EMILIN2: variants seen among roughly 807,000 people sequenced by gnomAD.
The protein encoded by EMILIN2 is EMILIN-2.
EMILIN2 carries 71 observed loss-of-function variants against 87.1 expected under a neutral mutation model. That is an observed-to-expected ratio of 0.82 (90% CI 0.67 to 0.99). EMILIN2 has a LOEUF of 0.99. Ranked by LOEUF, EMILIN2 falls within the 50% of genes least tolerant of loss-of-function variation. The probability of loss-of-function intolerance (pLI) is 0.00; values close to 1 mark genes in which losing one functional copy is unlikely to be tolerated. For missense variants in EMILIN2, 1,407 were observed against 1,371.8 expected, an observed-to-expected ratio of 1.03 and a Z score of -0.40; for synonymous variants, 581 against 563.4, an observed-to-expected ratio of 1.03 and a Z score of -0.44.
intron 2 of EMILIN2, among the ~76,000 whole-genome samples, chr18:2,878,607 C>T (rs931803625): frequency 2.0e-5 from 3 of 152,118 alleles, no homozygotes; most frequent in Admixed American, 1.3e-4. Context: ...AGTGCAGTAG[C>T]GGATTCCGGG....
At chr18:2,871,142 AC>A (rs1471345596) in intron 2 of EMILIN2, among the ~76,000 whole-genome samples, 2 of 152,204 alleles carry the variant, frequency 1.3e-5, no homozygotes, top group Admixed American at 6.5e-5. Flanking sequence ...TGGGGGGCAC[AC>A]AATTCAGTCC....
At chr18:2,852,233 A>C (rs973885315) in intron 2 of EMILIN2, among the ~76,000 whole-genome samples, 6 of 152,174 alleles carry the variant, frequency 3.9e-5, no homozygotes, top group African/African-American at 1.2e-4. Flanking sequence ...TGACGCATGA[A>C]CTATGTCATT....
rs2076945111 is a variant in EMILIN2, at chr18:2,912,311, G to A, written c.2825-756G>A. Among the ~76,000 whole-genome samples the A allele has an allele frequency of 3.3e-5, 5 of 152,204 alleles. No individual in the cohort carries two copies. In the South Asian group the frequency reaches 1.0e-3, roughly 32 times the overall value. The stretch of plus-strand genomic sequence containing the variant: ...CCACCTTGGCCTCCCAAAGTGCTGG[G>A]ATTACAGGCGTGAGCCACCACGCAT... On this transcript the variant is annotated intron_variant, in intron 7 of 7. Transcript: ENST00000254528.
At chr18:2,852,949 G>C (rs778362028) in intron 2 of EMILIN2, among the ~76,000 whole-genome samples, 1 of 152,174 alleles carries the variant, frequency 6.6e-6, no homozygotes, top group Admixed American at 6.5e-5. Flanking sequence ...GATCCTCCGG[G>C]CACAGGATTG....
chr18:2,883,944 G>C (rs1281826292), intron 2 of EMILIN2, among the ~76,000 whole-genome samples: 2 of 152,040 alleles, frequency 1.3e-5, no homozygotes, highest in East Asian at 3.9e-4. Context: ...GGGTGCCAGG[G>C]ATGTTTCTTT....
At chr18:2,901,082 A>T (rs73936852) in intron 4 of EMILIN2, among the ~76,000 whole-genome samples, 1 of 152,134 alleles carries the variant, frequency 6.6e-6, no homozygotes, top group African/African-American at 2.4e-5. Context: ...ATTGGCATCA[A>T]TTTCTGCCTG....
intron 2 of EMILIN2, among the ~76,000 whole-genome samples, chr18:2,881,459 A>T (rs2076776376): frequency 6.6e-6 from 1 of 152,208 alleles, no homozygotes; most frequent in African/African-American, 2.4e-5. Context: ...CTACATTAGG[A>T]GCTGGGGAGC....
In EMILIN2 at chr18:2,847,097, G is replaced by A; in HGVS notation, c.-92G>A. On this transcript the variant is annotated 5_prime_UTR_variant, in exon 1 of 8. Coordinates refer to ENST00000254528, the MANE Select transcript of EMILIN2 (RefSeq NM_032048.3). This position sits in a 1 kb window ranked among gnomAD's most constrained non-coding sequence, Gnocchi z 4.5. Reference sequence around the variant, plus strand: ...GCGCCCGAGCCTCTTGCCTTCGCGGGCGGCGCCCTGGCCGCCGGCAGCCTT... The same window carrying A: ...GCGCCCGAGCCTCTTGCCTTCGCGGACGGCGCCCTGGCCGCCGGCAGCCTT... The A allele has an allele frequency of 9.3e-7, 1 of 1,071,826 alleles. No individual in the cohort carries two copies. The highest frequency in any genetic ancestry group is 1.1e-6 in the Non-Finnish European group (1 of 879,500). 66.4% of individuals were successfully genotyped at this position (1,071,826 alleles called of 1,614,324 possible).
At position 2,891,456 on chromosome 18, in the gene EMILIN2, TG is replaced by T; in HGVS notation, c.1330del (p.Val444TrpfsTer16). 6.2e-7 allele frequency: 1 copy of T among 1,614,156 alleles called. No individual in the cohort carries two copies. The highest frequency in any genetic ancestry group is 1.6e-4 in the Middle Eastern group (1 of 6,062). ...ACCGCCTTATAGTTCCAGAGCCAGA[TG>T]TGGATTTTGATGCAAAATGGAATGA... is the stretch of plus-strand genomic sequence containing the variant. ...FDRLIVPEPD[V>X]DFDAKWNELD... is the part of the protein sequence containing the mutation. On this transcript the variant is annotated frameshift_variant, in exon 4 of 8. Coordinates refer to ENST00000254528, the MANE Select transcript of EMILIN2 (RefSeq NM_032048.3). LOFTEE classifies it high-confidence loss of function. The surrounding 1 kb of genome is among the most constrained non-coding windows in gnomAD (Gnocchi z 4.6).
At chr18:2,897,848 C>G (rs577758120) in intron 4 of EMILIN2, among the ~76,000 whole-genome samples, 2 of 146,154 alleles carry the variant, frequency 1.4e-5, no homozygotes, top group Non-Finnish European at 3.0e-5. Flanking sequence ...AGCAGTACAG[C>G]ATAATCCTGT....
At position 2,849,971 on chromosome 18, in the gene EMILIN2, A is replaced by G. The variant is rs185166040; in HGVS notation, c.257+2040A>G. 4.6e-3 allele frequency among the ~76,000 whole-genome samples: 704 copies of G among 152,092 alleles called. 6 individuals carry two copies. The highest frequency in any genetic ancestry group is 0.016 in the African/African-American group (664 of 41,478). On this transcript the variant is annotated intron_variant, in intron 2 of 7. Coordinates refer to ENST00000254528, the MANE Select transcript of EMILIN2 (RefSeq NM_032048.3). Reference sequence around the variant, plus strand: ...AGACAGAGTCTTACCATGTCACCCAAGGTGGGGTGCAGTGGCGTGATCTTG... The same window carrying G: ...AGACAGAGTCTTACCATGTCACCCAGGGTGGGGTGCAGTGGCGTGATCTTG...
intron 2 of EMILIN2, among the ~76,000 whole-genome samples, chr18:2,860,650 G>A (rs1240102628): frequency 6.6e-6 from 1 of 152,084 alleles, no homozygotes; most frequent in Non-Finnish European, 1.5e-5. Context: ...TTGGACATTT[G>A]GCTTGGCTAC....
At chr18:2,862,353 T>A (rs1207856528) in intron 2 of EMILIN2, among the ~76,000 whole-genome samples, 3 of 152,198 alleles carry the variant, frequency 2.0e-5, no homozygotes, top group Non-Finnish European at 4.4e-5. Flanking sequence ...CCATTCAGTA[T>A]GATATTTGCT....
chr18:2,867,032 T>G (rs1284474715), intron 2 of EMILIN2, among the ~76,000 whole-genome samples: 1 of 152,228 alleles, frequency 6.6e-6, no homozygotes, highest in Non-Finnish European at 1.5e-5. Context: ...CATCCCTGCA[T>G]CCCTGGTATG....
At chr18:2,868,632 A>C (rs998319486) in intron 2 of EMILIN2, among the ~76,000 whole-genome samples, 2 of 152,202 alleles carry the variant, frequency 1.3e-5, no homozygotes, top group Non-Finnish European at 2.9e-5. Context: ...CGTCTCCACC[A>C]AAAAAATACG....
intron 6 of EMILIN2, 35 bp downstream of exon 6, chr18:2,909,010 G>T (rs143958656): frequency 1.2e-6 from 2 of 1,612,108 alleles, no homozygotes; most frequent in African/African-American, 1.3e-5. Flanking sequence ...CAGGAGGAGC[G>T]GTCTCCTTGG....
chr18:2,907,131 A>T (rs767588262), intron 5 of EMILIN2, 46 bp downstream of exon 5: 209 of 1,227,962 alleles, frequency 1.7e-4, no homozygotes, highest in Non-Finnish European at 2.0e-4. Context: ...CTCTCCCGGA[A>T]CTTCCGCCTG....
intron 2 of EMILIN2, among the ~76,000 whole-genome samples, chr18:2,858,856 G>A (rs4798036): frequency 0.049 from 7,406 of 151,154 alleles, 703 homozygotes; most frequent in East Asian, 0.48. Flanking sequence ...GGCTGGTCTC[G>A]AACTCCTGAC....
chr18:2,854,572 C>T (rs575813638), intron 2 of EMILIN2, among the ~76,000 whole-genome samples: 54 of 152,216 alleles, frequency 3.5e-4, no homozygotes, highest in African/African-American at 1.2e-3. Context: ...GCAAGAGGAT[C>T]GCTTGAACCC....
Sources: gnomAD v4.1 joint callset for allele counts (sites outside exome capture counted in the v4.1 genomes callset) on GRCh38, gnomAD v4.1.1 for gene constraint, Gnocchi (gnomAD v3.1) non-coding constraint, MANE v1.5 for transcripts, NCBI Gene and HGNC (gene_info 2026-07-23, HGNC 2026-07-21) for gene names.